Variants in INPP5B observed in about 807,000 individuals in gnomAD.
The protein encoded by INPP5B is inositol polyphosphate-5-phosphatase B, also known as type II inositol 1,4,5-trisphosphate 5-phosphatase.
A neutral mutation model predicts 118.5 loss-of-function variants in INPP5B; 90 were observed. That is an observed-to-expected ratio of 0.76 (90% confidence interval 0.64 to 0.90). The LOEUF (loss-of-function observed/expected upper bound fraction) is 0.90. Ranked by LOEUF, INPP5B falls within the 40% of genes least tolerant of loss-of-function variation. INPP5B has a pLI of 0.00. For missense variants in INPP5B, 984 were observed against 1,125.6 expected, an observed-to-expected ratio of 0.87 and a Z score of 1.80; for synonymous variants, 385 against 418.9, an observed-to-expected ratio of 0.92 and a Z score of 0.99.
chr1:37,885,941 A>C (rs1265378678), intron 12 of INPP5B, 116 bp from the exon 13 acceptor site: 1 of 862,386 alleles, frequency 1.2e-6, no homozygotes, highest in Non-Finnish European at 1.9e-6. Flanking sequence ...GCACTTTGGG[A>C]GTCCGAGGCG....
chr1:37,874,672 C>T (rs1355813257), intron 17 of INPP5B, among the ~76,000 whole-genome samples: 1 of 152,218 alleles, frequency 6.6e-6, no homozygotes, highest in Non-Finnish European at 1.5e-5. Context: ...GTGGCACAGC[C>T]TGTAATCCCA....
At chr1:37,935,551 T>G (rs1230332268) in intron 6 of INPP5B, among the ~76,000 whole-genome samples, 5 of 151,748 alleles carry the variant, frequency 3.3e-5, no homozygotes, top group Admixed American at 3.3e-4. Context: ...ACTGCCCCCA[T>G]GGTGCCTTCA....
At chr1:37,942,453 GT>G (rs1483174048) in intron 5 of INPP5B, among the ~76,000 whole-genome samples, 2 of 151,956 alleles carry the variant, frequency 1.3e-5, no homozygotes, top group African/African-American at 4.8e-5. Context: ...AGAGAAAAGC[GT>G]GATTTGGTGT....
intron 13 of INPP5B, 79 bp from the exon 14 acceptor site, chr1:37,882,997 C>T: frequency 6.4e-7 from 1 of 1,555,858 alleles, no homozygotes; most frequent in East Asian, 2.3e-5. Context: ...CTGACAAAGG[C>T]CCCTGAGGCT....
At chr1:37,914,995 G>A (rs1644818093) in intron 7 of INPP5B, among the ~76,000 whole-genome samples, 1 of 152,094 alleles carries the variant, frequency 6.6e-6, no homozygotes, top group Non-Finnish European at 1.5e-5. Context: ...ATTTCCCTAG[G>A]AGCAGCCTAC....
At chr1:37,910,007 C>T (rs1033413418) in intron 7 of INPP5B, among the ~76,000 whole-genome samples, 24 of 152,170 alleles carry the variant, frequency 1.6e-4, no homozygotes, top group Non-Finnish European at 2.9e-4. Flanking sequence ...CTGTGCAGGA[C>T]CCCACTGGAA....
Position 37,891,439 on chromosome 1 carries a change from T to C in INPP5B, c.548A>G (p.Asp183Gly), listed in dbSNP as rs372402778. 8 of 1,613,012 alleles carry C rather than the reference T, an allele frequency of 5.0e-6. No homozygotes were observed. The African/African-American group carries it at 8.0e-5, about 16-fold the overall frequency. ...ATIGGGGSNF[D>G]GLRPNGKGVP... ...TCCCTTCCCATTTGGTCTCAAACCA[T>C]CAAAGTTAGAACCACCTAAAGGGAA... The change falls in exon 8 of 24, where the codon GAT (aspartate) becomes GGT (glycine). Residue 183 changes from aspartate (D) to glycine (G), a missense_variant. This residue lies in a region of INPP5B where 350 missense variants were observed against 334.6 expected (regional missense o/e 1.05). Transcript: ENST00000373024.
intron 16 of INPP5B, among the ~76,000 whole-genome samples, chr1:37,877,080 G>T (rs1642880798): frequency 6.7e-6 from 1 of 150,306 alleles, no homozygotes; most frequent in African/African-American, 2.5e-5. Flanking sequence ...AAAACAAAAA[G>T]AAAAGGCTGG....
chr1:37,900,467 C>A (rs1644289887), intron 7 of INPP5B, among the ~76,000 whole-genome samples: 1 of 150,792 alleles, frequency 6.6e-6, no homozygotes, highest in African/African-American at 2.4e-5. Context: ...GTTGGTCAGG[C>A]TGGTCTTGAA....
rs1471696032 is a variant in INPP5B, at chr1:37,861,552, C to A, written c.*763G>T. The A allele has an allele frequency of 6.6e-6, 1 of 152,022 alleles. No individual in the cohort carries two copies. Among genetic ancestry groups the A allele is most frequent in the Non-Finnish European group, 1.5e-5 (1 of 68,064 alleles). 9.4% of individuals were successfully genotyped at this position (152,022 alleles called of 1,614,324 possible). A position where few individuals can be genotyped will look rare whatever the true frequency, so the allele number is the denominator to read the frequency against. On this transcript the variant is annotated 3_prime_UTR_variant, in exon 24 of 24. Coordinates refer to ENST00000373024, the MANE Select transcript of INPP5B (RefSeq NM_005540.3). ...ACCAGCCTGGCCAACATGGTGAAACCGTGTCTATACTAAAAACACACAAAA... is the reference window on the plus strand; with the variant it reads ...ACCAGCCTGGCCAACATGGTGAAACAGTGTCTATACTAAAAACACACAAAA...
intron 7 of INPP5B, among the ~76,000 whole-genome samples, chr1:37,906,693 T>TA (rs942842203): frequency 2.4e-4 from 36 of 150,262 alleles, no homozygotes; most frequent in African/African-American, 4.6e-4. Context: ...TCATCTCTAT[T>TA]AAAAAAAAAT....
intron 17 of INPP5B, 63 bp from the exon 18 acceptor site, chr1:37,874,218 C>T: frequency 8.0e-7 from 1 of 1,243,592 alleles, no homozygotes; most frequent in Non-Finnish European, 1.1e-6. Context: ...GCCCAGCCAC[C>T]CCAACTGGGC....
At chr1:37,866,400 T>TCACACACACACACACACA (rs1192589112) in intron 21 of INPP5B, 59 bp downstream of exon 21, 1 of 672,038 alleles carries the variant, frequency 1.5e-6, no homozygotes, top group Non-Finnish European at 2.5e-6. Context: ...TCTCTCTCTC[T>TCACACACACACACACACA]CTCTCTCACA....
intron 6 of INPP5B, among the ~76,000 whole-genome samples, chr1:37,936,039 C>G (rs1645675851): frequency 1.3e-5 from 2 of 152,194 alleles, no homozygotes; most frequent in East Asian, 3.9e-4. Flanking sequence ...GCACTCCAGC[C>G]TGGGCGACAG....
At position 37,888,291 on chromosome 1, in the gene INPP5B, C is replaced by T. The variant is rs1258319404; in HGVS notation, c.851G>A (p.Arg284Gln). ...VNGQSPKECL[R>Q]LWLSNGIQAP... Reference sequence around the variant, plus strand: ...CTGGATACCATTGCTCAGCCACAGCCGGAGGCATTCTTTGGGGGACTGCCC... The same window carrying T: ...CTGGATACCATTGCTCAGCCACAGCTGGAGGCATTCTTTGGGGGACTGCCC... Residue 284 changes from arginine to glutamine, a missense_variant, in exon 10 of 24, where the codon CGG becomes CAG. Physicochemically the swap from Arg to Gln is conservative, Grantham distance 43 (BLOSUM62 1). This residue lies in a region of INPP5B where 634 missense variants were observed against 791.0 expected (regional missense o/e 0.80). Coordinates refer to ENST00000373024, the MANE Select transcript of INPP5B (RefSeq NM_005540.3). The T allele has an allele frequency of 4.4e-6, 7 of 1,579,180 alleles. No individual in the cohort carries two copies. The highest frequency in any genetic ancestry group is 1.4e-5 in the African/African-American group (1 of 73,202).
At chr1:37,916,643 C>T (rs889289681) in intron 7 of INPP5B, among the ~76,000 whole-genome samples, 52 of 151,928 alleles carry the variant, frequency 3.4e-4, no homozygotes, top group Non-Finnish European at 6.3e-4. Flanking sequence ...CTCGAACTCC[C>T]GACCTCAGGT....
chr1:37,936,349 G>A (rs1570391512), intron 6 of INPP5B, among the ~76,000 whole-genome samples: 2 of 151,922 alleles, frequency 1.3e-5, no homozygotes, highest in Admixed American at 1.3e-4. Flanking sequence ...GGCCGAGCGC[G>A]GTGGTTCACG....
At chr1:37,869,582 C>T (rs1318965679) in intron 19 of INPP5B, among the ~76,000 whole-genome samples, 3 of 151,988 alleles carry the variant, frequency 2.0e-5, no homozygotes, top group Admixed American at 1.3e-4. Context: ...TGGGTTCAAG[C>T]GATTCTCCTG....
chr1:37,873,359 T>G lies in INPP5B; in HGVS notation c.1952-194A>C, dbSNP rs1642589407. 25 of 585,622 alleles carry G rather than the reference T, an allele frequency of 4.3e-5. No homozygotes were observed. In the South Asian group the frequency reaches 4.9e-4, roughly 12 times the overall value. 36.3% of individuals were successfully genotyped at this position (585,622 alleles called of 1,614,324 possible). On this transcript the variant is annotated intron_variant, in intron 18 of 23. Coordinates refer to ENST00000373024, the MANE Select transcript of INPP5B (RefSeq NM_005540.3). Reference sequence around the variant, plus strand: ...AAAGAGTTTATAGTCCAACTGGGAATATGAAAACAACAAACAAAAACATTT... The same window carrying G: ...AAAGAGTTTATAGTCCAACTGGGAAGATGAAAACAACAAACAAAAACATTT...
Sources: gnomAD v4.1 joint callset for allele counts (sites outside exome capture counted in the v4.1 genomes callset) on GRCh38, gnomAD v4.1.1 for gene constraint, gnomAD v4.1.1 regional missense constraint, MANE v1.5 for transcripts, NCBI Gene and HGNC (gene_info 2026-07-23, HGNC 2026-07-21) for gene names.